The following PRIM2 variants were observed in gnomAD, a reference collection of about 807,000 sequenced individuals.
The protein encoded by PRIM2 is DNA primase subunit 2.
In PRIM2, 39 loss-of-function variants were observed where a neutral mutation model predicts 67.3. The observed-to-expected ratio is 0.58, with a 90% confidence interval of 0.45 to 0.76. The LOEUF is 0.76. PRIM2 is among the 30% of genes least tolerant of loss of function. PRIM2 has a pLI of 0.00. For missense variants in PRIM2, 398 were observed against 598.7 expected, an observed-to-expected ratio of 0.66 and a Z score of 3.50; for synonymous variants, 143 against 198.7, an observed-to-expected ratio of 0.72 and a Z score of 2.36.
intron 7 of PRIM2, among the ~76,000 whole-genome samples, chr6:57,436,148 T>G (rs781496596): frequency 6.6e-6 from 1 of 152,204 alleles, no homozygotes; most frequent in African/African-American, 2.4e-5. Context: ...CCTCCTCTTG[T>G]GTTTTAGGAT....
intron 10 of PRIM2, among the ~76,000 whole-genome samples, chr6:57,587,906 T>G (rs1472128792): frequency 3.3e-5 from 5 of 152,090 alleles, no homozygotes; most frequent in Non-Finnish European, 5.9e-5. Flanking sequence ...CTAATAAGCC[T>G]CTCATTATCA....
chr6:57,239,992 A>G, the PRIM2 span, among the ~76,000 whole-genome samples: 1 of 152,086 alleles, frequency 6.6e-6, no homozygotes, highest in Non-Finnish European at 1.5e-5. Context: ...CAGAGACTGT[A>G]GGGAGGACAG....
chr6:57,275,021 G>T, the PRIM2 span, among the ~76,000 whole-genome samples: 1 of 150,400 alleles, frequency 6.6e-6, no homozygotes, highest in Non-Finnish European at 1.5e-5. Flanking sequence ...TCCTGATCTC[G>T]TGATCCACCT....
chr6:57,397,878 T>G (rs1770571012), intron 7 of PRIM2, among the ~76,000 whole-genome samples: 1 of 149,500 alleles, frequency 6.7e-6, no homozygotes, highest in Non-Finnish European at 1.5e-5. Flanking sequence ...ATTAAGTTGC[T>G]AATTTGAGAT....
chr6:57,417,189 A>G (rs1219196807), intron 7 of PRIM2, among the ~76,000 whole-genome samples: 1 of 151,520 alleles, frequency 6.6e-6, no homozygotes, highest in Middle Eastern at 3.2e-3. Context: ...CTAGCCTCGA[A>G]CTCCTGACCT....
the PRIM2 span, among the ~76,000 whole-genome samples, chr6:57,256,397 T>A: frequency 1.3e-5 from 2 of 152,186 alleles, no homozygotes; most frequent in Admixed American, 1.3e-4. Flanking sequence ...TAAGATCAAA[T>A]TTAAAAATAC....
the PRIM2 span, among the ~76,000 whole-genome samples, chr6:57,229,092 A>G: frequency 6.6e-6 from 1 of 152,148 alleles, no homozygotes; most frequent in South Asian, 2.1e-4. Flanking sequence ...TGTTTTTATT[A>G]TATCTACAGT....
At chr6:57,370,489 TA>T (rs1769509679) in intron 5 of PRIM2, among the ~76,000 whole-genome samples, 1 of 152,182 alleles carries the variant, frequency 6.6e-6, no homozygotes, top group African/African-American at 2.4e-5. Flanking sequence ...TGGTTATAAC[TA>T]AATAGATAAA....
chr6:57,610,860 C>A (rs1206251335), intron 12 of PRIM2, among the ~76,000 whole-genome samples: 1 of 152,124 alleles, frequency 6.6e-6, no homozygotes, highest in East Asian at 1.9e-4. Context: ...ACCAACTTTA[C>A]CTAATTAACA....
intron 10 of PRIM2, among the ~76,000 whole-genome samples, chr6:57,563,212 A>G (rs1434482328): frequency 1.3e-5 from 2 of 151,906 alleles, no homozygotes; most frequent in Non-Finnish European, 2.9e-5. Flanking sequence ...CAGTTGCCCT[A>G]CATATCCTAA....
At chr6:57,507,528 T>C in intron 8 of PRIM2, 74 bp downstream of exon 8, 7 of 1,436,760 alleles carry the variant, frequency 4.9e-6, no homozygotes, top group Non-Finnish European at 5.6e-6. Flanking sequence ...ATTAAAGTGG[T>C]GAAACCCCTT....
intron 7 of PRIM2, among the ~76,000 whole-genome samples, chr6:57,394,388 G>C (rs113075051): frequency 3.3e-5 from 5 of 152,066 alleles, no homozygotes; most frequent in African/African-American, 1.2e-4. Flanking sequence ...TCCTTGGTTA[G>C]GTATATTCTT....
intron 7 of PRIM2, among the ~76,000 whole-genome samples, chr6:57,431,946 A>C (rs1771844576): frequency 6.6e-6 from 1 of 152,180 alleles, no homozygotes; most frequent in South Asian, 2.1e-4. Context: ...GCTGAAAGGG[A>C]GTGAAACTGA....
chr6:57,615,086 C>T (rs1219477258), intron 12 of PRIM2, among the ~76,000 whole-genome samples: 1 of 152,070 alleles, frequency 6.6e-6, no homozygotes, highest in Non-Finnish European at 1.5e-5. Context: ...CCTTTAAAAA[C>T]CTGCAATTTT....
At chr6:57,567,003 T>C (rs1775756012) in intron 10 of PRIM2, among the ~76,000 whole-genome samples, 1 of 152,124 alleles carries the variant, frequency 6.6e-6, no homozygotes, top group South Asian at 2.1e-4. Flanking sequence ...TAAATAAAAC[T>C]AATACAAAGA....
the PRIM2 span, among the ~76,000 whole-genome samples, chr6:57,290,057 G>A: frequency 1.3e-5 from 2 of 150,668 alleles, no homozygotes; most frequent in South Asian, 2.1e-4. Context: ...CAGGAGACCC[G>A]TCTCACATGC....
At chr6:57,308,006 A>T in the PRIM2 span, among the ~76,000 whole-genome samples, 2 of 152,168 alleles carry the variant, frequency 1.3e-5, no homozygotes, top group African/African-American at 4.8e-5. Flanking sequence ...AGTTAACATT[A>T]TATTTATGTG....
At chr6:57,235,213 C>T in the PRIM2 span, among the ~76,000 whole-genome samples, 3 of 151,742 alleles carry the variant, frequency 2.0e-5, no homozygotes, top group Non-Finnish European at 2.9e-5. Context: ...CTGTAATCCC[C>T]GCACTTTCGG....
upstream of PRIM2, among the ~76,000 whole-genome samples, chr6:57,311,026 C>A (rs1216017558): frequency 6.8e-6 from 1 of 147,162 alleles, no homozygotes. Context: ...GGCGGCCGGG[C>A]AGAGACACCC....
Sources: gnomAD v4.1 joint callset for allele counts (sites outside exome capture counted in the v4.1 genomes callset) on GRCh38, gnomAD v4.1.1 for gene constraint, MANE v1.5 for transcripts, NCBI Gene and HGNC (gene_info 2026-07-23, HGNC 2026-07-21) for gene names.